The following ITK variants were observed in gnomAD, a reference collection of about 807,000 sequenced individuals.
ITK encodes tyrosine-protein kinase ITK/TSK.
In ITK, 45 loss-of-function variants were observed where a neutral mutation model predicts 87.6. The ratio of observed to expected loss-of-function variants is 0.51; its 90% confidence interval spans 0.40 to 0.66. ITK has a LOEUF of 0.66. Ranked by LOEUF, ITK falls within the 30% of genes least tolerant of loss-of-function variation. ITK has a pLI of 0.00. For synonymous variants in ITK, 303 were observed against 273.6 expected (o/e 1.11, Z -1.06); for missense variants, 605 against 766.3 (o/e 0.79, Z 2.48).
intron 1 of ITK, among the ~76,000 whole-genome samples, chr5:157,197,702 A>T (rs1263179886): frequency 6.6e-6 from 1 of 152,190 alleles, no homozygotes; most frequent in Non-Finnish European, 1.5e-5. Context: ...GTATAGATGA[A>T]CTTTATTATC....
chr5:157,254,931 A>G lies in ITK; in HGVS notation c.*2253A>G, dbSNP rs954039859. On this transcript the variant is annotated 3_prime_UTR_variant, in exon 17 of 17. Coordinates refer to ENST00000422843, the MANE Select transcript of ITK (RefSeq NM_005546.4). ...GTTTTTCTCTTCTCACATTTTTTAA[A>G]TGGTCCCCTGTGTTTGTAGAGAACT... 2 of 214,448 alleles carry G rather than the reference A, an allele frequency of 9.3e-6. No individual in the cohort carries two copies. The highest frequency in any genetic ancestry group is 1.9e-5 in the Non-Finnish European group (2 of 106,338). 13.3% of individuals were successfully genotyped at this position (214,448 alleles called of 1,614,324 possible). A position where few individuals can be genotyped will look rare whatever the true frequency, so the allele number is the denominator to read the frequency against.
intron 1 of ITK, among the ~76,000 whole-genome samples, chr5:157,183,835 C>T (rs367153): frequency 0.099 from 15,040 of 152,188 alleles, 878 homozygotes; most frequent in Middle Eastern, 0.14. Context: ...GAATTTATAA[C>T]ACCATATGAA....
intron 1 of ITK, among the ~76,000 whole-genome samples, chr5:157,188,966 T>G (rs1000371463): frequency 6.6e-6 from 1 of 152,162 alleles, no homozygotes; most frequent in Non-Finnish European, 1.5e-5. Context: ...CTAAAACAGT[T>G]CTGGGCACTG....
chr5:157,194,328 A>T (rs1222041243), intron 1 of ITK, among the ~76,000 whole-genome samples: 1 of 152,150 alleles, frequency 6.6e-6, no homozygotes, highest in Non-Finnish European at 1.5e-5. Context: ...CTGGACTTGT[A>T]AACCTGAGGA....
chr5:157,204,576 G>A (rs1456602944), intron 1 of ITK, among the ~76,000 whole-genome samples: 2 of 152,142 alleles, frequency 1.3e-5, no homozygotes, highest in African/African-American at 4.8e-5. Flanking sequence ...GCACATGCCT[G>A]TAGTCCCAGC....
chr5:157,250,759 C>T (rs1430985449), intron 16 of ITK, among the ~76,000 whole-genome samples: 3 of 152,070 alleles, frequency 2.0e-5, no homozygotes, highest in African/African-American at 2.4e-5. Context: ...CACCTCAGGC[C>T]TCCCGTAGTG....
intron 1 of ITK, among the ~76,000 whole-genome samples, chr5:157,193,437 A>G (rs1464167547): frequency 1.3e-5 from 2 of 152,226 alleles, no homozygotes; most frequent in Admixed American, 1.3e-4. Context: ...TGTGTAACCA[A>G]TACAAAATCT....
At chr5:157,188,094 C>G (rs1311113296) in intron 1 of ITK, among the ~76,000 whole-genome samples, 1 of 152,176 alleles carries the variant, frequency 6.6e-6, no homozygotes, top group East Asian at 1.9e-4. Context: ...AGCCACCATG[C>G]CTCGCCATGC....
In ITK at chr5:157,211,366, A is replaced by G. The variant is rs150470437; in HGVS notation, c.323A>G (p.Glu108Gly). 10 of 1,611,102 alleles carry G rather than the reference A, an allele frequency of 6.2e-6. No individual in the cohort carries two copies. Among genetic ancestry groups the G allele is most frequent in the Non-Finnish European group, 8.5e-6 (10 of 1,177,432 alleles). The stretch of plus-strand genomic sequence containing the variant: ...CAGCGCTGGGTGCTGGCCCTTAAAG[A>G]AGGTAATTAAACTCCTTTGCCATTG... Reference protein sequence around the residue: ...SRQRWVLALKEETRNNNSLVP... With the variant: ...SRQRWVLALKGETRNNNSLVP... The change falls in exon 3 of 17, where the codon GAA (glutamate) becomes GGA (glycine). Residue 108 changes from glutamate (E) to glycine (G), a missense_variant and splice_region_variant. This residue lies in a region of ITK where 464 missense variants were observed against 578.0 expected (regional missense o/e 0.80). Coordinates refer to ENST00000422843, the MANE Select transcript of ITK (RefSeq NM_005546.4).
chr5:157,228,246 T>C (rs748193502), intron 6 of ITK, 50 bp from the exon 7 acceptor site: 1 of 1,067,966 alleles, frequency 9.4e-7, no homozygotes. Context: ...TATAAAATGA[T>C]ATAAAACTTA....
In ITK at chr5:157,243,627, A is replaced by G. The variant is rs749296136; in HGVS notation, c.1065A>G (p.Lys355=). The change falls in exon 12 of 17, where the codon AAA becomes AAG. Residue 355 remains lysine, a synonymous_variant. Coordinates refer to ENST00000422843, the MANE Select transcript of ITK (RefSeq NM_005546.4). The part of the protein sequence containing the change: ...APVTAGLRYG[K]WVIDPSELTF... The stretch of plus-strand genomic sequence containing the variant: ...AACTCTCTCTCTCTCTTCCAGGGAA[A>G]TGGGTGATCGACCCCTCAGAGCTCA... 2.4e-5 allele frequency: 38 copies of G among 1,612,240 alleles called. No individual in the cohort carries two copies. The South Asian group carries it at 4.0e-4, about 17-fold the overall frequency.
At chr5:157,189,521 A>C (rs1051790115) in intron 1 of ITK, among the ~76,000 whole-genome samples, 9 of 152,226 alleles carry the variant, frequency 5.9e-5, no homozygotes, top group Admixed American at 2.6e-4. Context: ...CTCTACTAAA[A>C]ATACAAAAAA....
chr5:157,202,285 C>T (rs547278999), intron 1 of ITK, among the ~76,000 whole-genome samples: 25 of 152,180 alleles, frequency 1.6e-4, no homozygotes, highest in Admixed American at 4.6e-4. Flanking sequence ...ACGATCTCAG[C>T]TCACTGAAAC....
chr5:157,204,939 C>T (rs1314094675), intron 1 of ITK, among the ~76,000 whole-genome samples: 1 of 152,140 alleles, frequency 6.6e-6, no homozygotes, highest in Non-Finnish European at 1.5e-5. Flanking sequence ...TCCTCAGCTA[C>T]TAAATCAAAG....
rs777627568 is a variant in ITK, at chr5:157,187,304, A to C, written c.138+6189A>C. On this transcript the variant is annotated intron_variant, in intron 1 of 16. Coordinates refer to ENST00000422843, the MANE Select transcript of ITK (RefSeq NM_005546.4). The stretch of plus-strand genomic sequence containing the variant: ...TTTATGAGAGCAGGCACCCAAGTTG[A>C]TAAAGATGGCCTTGCCAGTGTCTAC... Among the ~76,000 whole-genome samples, 16 of 152,362 alleles carry C rather than the reference A, an allele frequency of 1.1e-4. No homozygotes were observed. The South Asian group carries it at 2.3e-3, about 22-fold the overall frequency.
intron 3 of ITK, among the ~76,000 whole-genome samples, chr5:157,213,210 G>A (rs541049800): frequency 6.6e-6 from 1 of 152,202 alleles, no homozygotes; most frequent in South Asian, 2.1e-4. Context: ...ACAGAAGGAG[G>A]AACTTGCCAA....
chr5:157,218,005 C>T (rs1754334726), intron 5 of ITK, 98 bp downstream of exon 5: 4 of 1,097,414 alleles, frequency 3.6e-6, no homozygotes, highest in South Asian at 1.2e-5. Flanking sequence ...AGTTTTCAAA[C>T]CCTGGCTGCA....
At chr5:157,208,755 G>A (rs2113752205) in intron 1 of ITK, 134 bp from the exon 2 acceptor site, 1 of 700,350 alleles carries the variant, frequency 1.4e-6, no homozygotes, top group East Asian at 2.7e-5. Context: ...AGGCAGTTTT[G>A]GATATTTGGT....
Position 157,249,154 on chromosome 5 carries a change from A to G in ITK, c.1791+147A>G, listed in dbSNP as rs1755089718. 1.9e-5 allele frequency: 14 copies of G among 753,426 alleles called. 1 individual carries two copies. In the South Asian group the frequency reaches 1.9e-4, roughly 10 times the overall value. 46.7% of individuals were successfully genotyped at this position (753,426 alleles called of 1,614,324 possible). ...AACAACATGACTTTGAGGATCTGTT[A>G]ACGGGATAGATCCCCCATCCCTAAA... is the stretch of plus-strand genomic sequence containing the variant. On this transcript the variant is annotated intron_variant, in intron 16 of 16. Coordinates refer to ENST00000422843, the MANE Select transcript of ITK (RefSeq NM_005546.4).
Sources: gnomAD v4.1 joint callset for allele counts (sites outside exome capture counted in the v4.1 genomes callset) on GRCh38, gnomAD v4.1.1 for gene constraint, gnomAD v4.1.1 regional missense constraint, MANE v1.5 for transcripts, NCBI Gene and HGNC (gene_info 2026-07-23, HGNC 2026-07-21) for gene names.